The following PGM1 variants were observed in gnomAD, a reference collection of about 807,000 sequenced individuals.
PGM1 encodes phosphoglucomutase-1.
PGM1 carries 52 observed loss-of-function variants against 55.6 expected under a neutral mutation model. That is an observed-to-expected ratio of 0.94 (90% CI 0.75 to 1.18). The LOEUF is 1.18. Ranked by LOEUF, PGM1 falls within the 50% of genes most tolerant of loss-of-function variation. The pLI is 0.00. For synonymous variants in PGM1, 287 were observed against 271.7 expected (o/e 1.06, Z -0.55); for missense variants, 724 against 729.3 (o/e 0.99, Z 0.08).
At chr1:63,633,670 A>AT (rs1649257652) in intron 4 of PGM1, among the ~76,000 whole-genome samples, 2 of 148,246 alleles carry the variant, frequency 1.3e-5, no homozygotes, top group Admixed American at 6.7e-5. Flanking sequence ...TGGGTTTTTT[A>AT]TTTTCTTTTT....
chr1:63,594,442 C>A (rs189925928), intron 1 of PGM1, among the ~76,000 whole-genome samples: 60 of 152,122 alleles, frequency 3.9e-4, no homozygotes, highest in African/African-American at 1.4e-3. Flanking sequence ...GGGATCTGTT[C>A]CACCGACGGG....
At chr1:63,650,914 TA>T (rs914585974) in intron 8 of PGM1, among the ~76,000 whole-genome samples, 21 of 147,596 alleles carry the variant, frequency 1.4e-4, no homozygotes, top group Admixed American at 2.7e-4. Context: ...AAACAAAATT[TA>T]AAAAAAAAAA....
At chr1:63,601,638 T>C (rs986898667) in intron 1 of PGM1, among the ~76,000 whole-genome samples, 4 of 152,192 alleles carry the variant, frequency 2.6e-5, no homozygotes, top group Admixed American at 6.5e-5. Context: ...TTGGGAGGAC[T>C]GCGGAGAAGA....
intron 1 of PGM1, among the ~76,000 whole-genome samples, chr1:63,608,617 A>G (rs1446243315): frequency 6.6e-6 from 1 of 152,242 alleles, no homozygotes; most frequent in Non-Finnish European, 1.5e-5. Context: ...ACTTTGAAAA[A>G]TGCATTCTGT....
chr1:63,635,086 A>T, intron 5 of PGM1, 67 bp downstream of exon 5: 1 of 1,384,042 alleles, frequency 7.2e-7, no homozygotes, highest in Non-Finnish European at 1.0e-6. Flanking sequence ...TGGGGAAAAA[A>T]GTGGGCTGCT....
chr1:63,630,186 T>C, intron 3 of PGM1, 98 bp downstream of exon 3: 2 of 1,169,290 alleles, frequency 1.7e-6, no homozygotes, highest in South Asian at 1.2e-5. Context: ...TTTGGAAAGA[T>C]TTCCGTGAGT....
At chr1:63,593,757 C>T (rs1647943464) in intron 1 of PGM1, 23 bp downstream of exon 1, 10 of 1,571,432 alleles carry the variant, frequency 6.4e-6, no homozygotes, top group Non-Finnish European at 8.6e-6. Context: ...CGGCCCCGCG[C>T]CGCTGTGCAC....
Position 63,615,040 on chromosome 1 carries a change from A to G in PGM1, c.247-14385A>G, listed in dbSNP as rs116036220. Among the ~76,000 whole-genome samples the G allele has an allele frequency of 3.6e-4, 55 of 152,344 alleles. 1 individual carries two copies. Among genetic ancestry groups the G allele is most frequent in the African/African-American group, 9.4e-4 (39 of 41,584 alleles). The stretch of plus-strand genomic sequence containing the variant: ...TTTGACTCCAGAGCCCAGTGGTTAC[A>G]GCAGGGACTGTACTTGATTCTTTAA... On this transcript the variant is annotated intron_variant, in intron 1 of 10. Coordinates refer to ENST00000371084, the MANE Select transcript of PGM1 (RefSeq NM_002633.3).
In PGM1 at chr1:63,630,091, A is replaced by T. The variant is rs755342874; in HGVS notation, c.556+3A>T. 1 of 1,613,754 alleles carries T rather than the reference A, an allele frequency of 6.2e-7. No homozygotes were observed. Among genetic ancestry groups the T allele is most frequent in the Admixed American group, 1.7e-5 (1 of 60,006 alleles). ...AAATAAGTTCAAACCCTTCACAGGC[A>T]TGTTTACTTTCCTCCTCTTTCTGCC... On this transcript the variant is annotated splice_donor_region_variant and intron_variant, in intron 3 of 10. Transcript: ENST00000371084.
intron 1 of PGM1, among the ~76,000 whole-genome samples, chr1:63,600,692 G>A (rs1648217893): frequency 6.6e-6 from 1 of 152,210 alleles, no homozygotes; most frequent in South Asian, 2.1e-4. Context: ...TGAAGTGAAG[G>A]AGTGAGCCAT....
intron 5 of PGM1, among the ~76,000 whole-genome samples, chr1:63,635,837 C>T (rs1411057717): frequency 6.6e-6 from 1 of 152,188 alleles, no homozygotes; most frequent in African/African-American, 2.4e-5. Flanking sequence ...ACAGTTTACC[C>T]AGTAGACCTA....
chr1:63,593,930 G>A (rs1278845584), intron 1 of PGM1, 196 bp downstream of exon 1: 1 of 1,235,554 alleles, frequency 8.1e-7, no homozygotes, highest in East Asian at 3.8e-5. Context: ...GGGGAAAGTG[G>A]CCACGGGACC....
At chr1:63,600,497 A>G (rs569311029) in intron 1 of PGM1, among the ~76,000 whole-genome samples, 2 of 152,154 alleles carry the variant, frequency 1.3e-5, no homozygotes, top group Non-Finnish European at 2.9e-5. Context: ...GAATTGAACA[A>G]AGTTTCTGCT....
chr1:63,605,183 G>A (rs1433028326), intron 1 of PGM1, among the ~76,000 whole-genome samples: 2 of 152,100 alleles, frequency 1.3e-5, no homozygotes, highest in African/African-American at 4.8e-5. Flanking sequence ...GGCCCTAAAA[G>A]TCCTTTTGGG....
intron 4 of PGM1, among the ~76,000 whole-genome samples, chr1:63,632,919 A>T (rs2269249): frequency 6.6e-6 from 1 of 151,998 alleles, no homozygotes; most frequent in Non-Finnish European, 1.5e-5. Flanking sequence ...GCTACTCAGG[A>T]GGCTGAGGCA....
At chr1:63,613,957 T>C (rs888888212) in intron 1 of PGM1, among the ~76,000 whole-genome samples, 2 of 152,188 alleles carry the variant, frequency 1.3e-5, no homozygotes, top group African/African-American at 4.8e-5. Flanking sequence ...GCTTTAAAAC[T>C]GGTGTTGAAG....
intron 1 of PGM1, 143 bp downstream of exon 1, chr1:63,593,877 G>T: frequency 1.6e-6 from 2 of 1,285,160 alleles, no homozygotes; most frequent in Non-Finnish European, 2.0e-6. Context: ...TCTCCTTCGC[G>T]CTCGCTCTTC....
intron 3 of PGM1, 71 bp downstream of exon 3, chr1:63,630,159 A>G (rs1649156209): frequency 1.6e-5 from 22 of 1,412,896 alleles, no homozygotes; most frequent in Non-Finnish European, 2.2e-5. Flanking sequence ...TCAACGTTTT[A>G]GTAGAGGGTC....
chr1:63,658,798 C>T (rs1302327101), intron 10 of PGM1, among the ~76,000 whole-genome samples: 1 of 138,144 alleles, frequency 7.2e-6, no homozygotes, highest in African/African-American at 2.5e-5. Flanking sequence ...TTTCACACTG[C>T]TGATAAAGAC....
Sources: gnomAD v4.1 joint callset for allele counts (sites outside exome capture counted in the v4.1 genomes callset) on GRCh38, gnomAD v4.1.1 for gene constraint, MANE v1.5 for transcripts, NCBI Gene and HGNC (gene_info 2026-07-23, HGNC 2026-07-21) for gene names.